RAB31: variants seen among roughly 807,000 people sequenced by gnomAD.
RAB31 encodes ras-related protein Rab-31.
In RAB31, 21 loss-of-function variants were observed where a neutral mutation model predicts 25.6. The observed-to-expected ratio is 0.82, with a 90% confidence interval of 0.58 to 1.18. The LOEUF (loss-of-function observed/expected upper bound fraction) is 1.18, where lower values mean the gene tolerates loss of function less well. Among genes scored for constraint, RAB31 ranks in the 50% most tolerant of loss-of-function variants. The probability of loss-of-function intolerance (pLI) is 0.00; values close to 1 mark genes in which losing one functional copy is unlikely to be tolerated. For synonymous variants in RAB31, 87 were observed against 84.0 expected (o/e 1.04, Z -0.20); for missense variants, 196 against 250.1 (o/e 0.78, Z 1.46).
chr18:9,853,731 A>C (rs2068800668), intron 6 of RAB31, among the ~76,000 whole-genome samples: 4 of 152,222 alleles, frequency 2.6e-5, no homozygotes, highest in Admixed American at 2.6e-4. Context: ...CAGTTGTTAC[A>C]AATGTTCCAC....
At chr18:9,769,528 C>G (rs973909340) in intron 1 of RAB31, among the ~76,000 whole-genome samples, 4 of 152,148 alleles carry the variant, frequency 2.6e-5, no homozygotes, top group Non-Finnish European at 4.4e-5. Flanking sequence ...GATTTTTGCA[C>G]ATTGATTTTG....
At chr18:9,859,062 A>G (rs1040416369) in intron 6 of RAB31, among the ~76,000 whole-genome samples, 166 bp from the exon 7 acceptor site, 1 of 152,192 alleles carries the variant, frequency 6.6e-6, no homozygotes, top group Non-Finnish European at 1.5e-5. Flanking sequence ...AAGGATAGGA[A>G]GAAGGAAGGG....
chr18:9,753,961 G>A (rs966208832), intron 1 of RAB31, among the ~76,000 whole-genome samples: 6 of 151,534 alleles, frequency 4.0e-5, no homozygotes, highest in South Asian at 4.3e-4. Context: ...TGTATCATGC[G>A]TAAGGAATCT....
chr18:9,759,710 C>G (rs183476619), intron 1 of RAB31, among the ~76,000 whole-genome samples: 1 of 152,098 alleles, frequency 6.6e-6, no homozygotes, highest in African/African-American at 2.4e-5. Flanking sequence ...GTGAAAAGGG[C>G]AAGGCTATCC....
rs557377373 is a variant in RAB31, at chr18:9,736,638, T to G, written c.39+28194T>G. 7.0e-3 allele frequency among the ~76,000 whole-genome samples: 1,067 copies of G among 152,340 alleles called. 14 individuals are homozygous for G. Among genetic ancestry groups the G allele is most frequent in the African/African-American group, 0.024 (1,001 of 41,572 alleles). On this transcript the variant is annotated intron_variant, in intron 1 of 6. Transcript: ENST00000578921. ...GAGTATTTTGTAATTATTTGCTCAGTGTGTAATATCCCATTAAATATCCAA... is the reference window on the plus strand; with the variant it reads ...GAGTATTTTGTAATTATTTGCTCAGGGTGTAATATCCCATTAAATATCCAA...
intron 2 of RAB31, 73 bp from the exon 3 acceptor site, chr18:9,792,081 T>C: frequency 1.3e-6 from 2 of 1,536,412 alleles, no homozygotes; most frequent in South Asian, 2.4e-5. Flanking sequence ...GTGTAGCATT[T>C]AACTTGTTTG....
chr18:9,722,615 G>A (rs2068078795), intron 1 of RAB31: 1 of 152,160 alleles, frequency 6.6e-6, no homozygotes. Flanking sequence ...TATTATTTGT[G>A]TATATTTATA....
At chr18:9,760,397 T>G (rs947030813) in intron 1 of RAB31, among the ~76,000 whole-genome samples, 3 of 152,130 alleles carry the variant, frequency 2.0e-5, no homozygotes, top group African/African-American at 7.2e-5. Flanking sequence ...GGTCTTGAAC[T>G]TCTGAGCTCA....
intron 3 of RAB31, among the ~76,000 whole-genome samples, chr18:9,794,955 C>T (rs1245724949): frequency 1.3e-5 from 2 of 152,014 alleles, no homozygotes; most frequent in African/African-American, 4.8e-5. Flanking sequence ...GCAAAAAGAA[C>T]AAATCTGGAG....
intron 1 of RAB31, among the ~76,000 whole-genome samples, chr18:9,769,990 A>T (rs1709178733): frequency 6.6e-6 from 1 of 152,174 alleles, no homozygotes; most frequent in South Asian, 2.1e-4. Context: ...ATGGATTACG[A>T]TTATTGATTT....
intron 5 of RAB31, among the ~76,000 whole-genome samples, chr18:9,836,556 T>A (rs1205639192): frequency 1.3e-5 from 2 of 152,216 alleles, no homozygotes. Context: ...TAGTCCCCCC[T>A]ACAAGAATCA....
intron 4 of RAB31, 25 bp downstream of exon 4, chr18:9,814,116 A>T (rs997361443): frequency 2.0e-6 from 3 of 1,501,654 alleles, no homozygotes; most frequent in Non-Finnish European, 2.7e-6. Flanking sequence ...TTCAGAATTT[A>T]GATGTCATTT....
At chr18:9,787,884 A>G (rs548723841) in intron 2 of RAB31, 2 of 152,358 alleles carry the variant, frequency 1.3e-5, no homozygotes, top group South Asian at 4.1e-4. Flanking sequence ...TCGCCCAAAG[A>G]TCGAAACTGT....
At chr18:9,803,905 G>T (rs1312224504) in intron 3 of RAB31, among the ~76,000 whole-genome samples, 3 of 152,224 alleles carry the variant, frequency 2.0e-5, no homozygotes, top group African/African-American at 4.8e-5. Flanking sequence ...AGGAATCTAG[G>T]TGCAGAACAG....
At chr18:9,793,476 C>T (rs1260874705) in intron 3 of RAB31, among the ~76,000 whole-genome samples, 2 of 152,094 alleles carry the variant, frequency 1.3e-5, no homozygotes, top group Non-Finnish European at 1.5e-5. Context: ...TCCTGGCTAA[C>T]ACAGTGAAAC....
intron 2 of RAB31, among the ~76,000 whole-genome samples, chr18:9,777,771 T>G (rs1323651204): frequency 6.7e-6 from 1 of 150,012 alleles, no homozygotes; most frequent in Non-Finnish European, 1.5e-5. Context: ...TTTTTTTTTT[T>G]TGAGACGGCG....
chr18:9,798,948 C>T (rs990948437), intron 3 of RAB31, among the ~76,000 whole-genome samples: 3 of 152,120 alleles, frequency 2.0e-5, no homozygotes, highest in East Asian at 1.9e-4. Context: ...AGTAGCTGGG[C>T]GTGGTGGCAC....
chr18:9,789,052 A>C (rs1490813801), intron 2 of RAB31, among the ~76,000 whole-genome samples: 1 of 152,248 alleles, frequency 6.6e-6, no homozygotes, highest in African/African-American at 2.4e-5. Flanking sequence ...TTCAGCCATA[A>C]AAAAGAATGA....
intron 2 of RAB31, among the ~76,000 whole-genome samples, chr18:9,791,676 C>T (rs2068460937): frequency 6.6e-6 from 1 of 152,282 alleles, no homozygotes; most frequent in East Asian, 1.9e-4. Flanking sequence ...TCACTGCAAC[C>T]TCTGCCTCCT....
Sources: gnomAD v4.1 joint callset for allele counts (sites outside exome capture counted in the v4.1 genomes callset) on GRCh38, gnomAD v4.1.1 for gene constraint, MANE v1.5 for transcripts, NCBI Gene and HGNC (gene_info 2026-07-23, HGNC 2026-07-21) for gene names.